Variants in DOT1L observed in about 807,000 individuals in gnomAD.
DOT1L encodes histone-lysine N-methyltransferase, H3 lysine-79 specific.
Under a neutral mutation model 153.3 loss-of-function variants are expected in DOT1L, and 33 were observed. The observed-to-expected ratio is 0.22, with a 90% CI of 0.16 to 0.29. The LOEUF (loss-of-function observed/expected upper bound fraction) is 0.29. Ranked by LOEUF, DOT1L falls within the 10% of genes least tolerant of loss-of-function variation. The probability of loss-of-function intolerance (pLI) is 1.00; values close to 1 mark genes in which losing one functional copy is unlikely to be tolerated. For missense variants in DOT1L, 1,847 were observed against 2,119.9 expected (o/e 0.87, Z 2.53); for synonymous variants, 1,135 against 965.1 (o/e 1.18, Z -3.26).
At position 2,210,438 on chromosome 19, in the gene DOT1L, G is replaced by A; in HGVS notation, c.1044G>A (p.Glu348=). 1 of 1,570,550 alleles carries A rather than the reference G, an allele frequency of 6.4e-7. No individual in the cohort carries two copies. Among genetic ancestry groups the A allele is most frequent in the South Asian group, 1.1e-5 (1 of 87,926 alleles). The change falls in exon 13 of 28, where the codon GAG becomes GAA. Residue 348 remains glutamate, a synonymous_variant. Transcript: ENST00000398665. The part of the protein sequence containing the change: ...QEAARRRQQR[E]SKSNAATPTK... The stretch of plus-strand genomic sequence containing the variant: ...CAGCCCGGCGCCGCCAGCAGCGCGA[G>A]AGCAAGAGCAACGCGGCCACGCCCA...
intron 9 of DOT1L, among the ~76,000 whole-genome samples, chr19:2,203,027 T>C (rs918040627): frequency 6.6e-6 from 1 of 152,156 alleles, no homozygotes; most frequent in Non-Finnish European, 1.5e-5. Context: ...GTTCAAGCGA[T>C]TCTTCTGCGT....
Position 2,204,457 on chromosome 19 carries a change from A to T in DOT1L, c.787+1678A>T, listed in dbSNP as rs2023419616. ...CCAGTCGCCCCCACACCCCAGCAGC[A>T]CTACGGGCCTCCCTGCACCCTGCAG... is the stretch of plus-strand genomic sequence containing the variant. On this transcript the variant is annotated intron_variant, in intron 9 of 27. Transcript: ENST00000398665. This position sits in a 1 kb window ranked among gnomAD's most constrained non-coding sequence, Gnocchi z 5.7. Among the ~76,000 whole-genome samples, 1 of 152,120 alleles carries T rather than the reference A, an allele frequency of 6.6e-6. No individual in the cohort carries two copies. Among genetic ancestry groups the T allele is most frequent in the Non-Finnish European group, 1.5e-5 (1 of 68,020 alleles).
Position 2,202,881 on chromosome 19 carries a change from G to A in DOT1L, c.787+102G>A, listed in dbSNP as rs181874400. ...TCCTGCAGAAGGCAGCTCAGACTTG[G>A]GGTCTTCAGTCCCCTTGGAGCCAGG... On this transcript the variant is annotated intron_variant, in intron 9 of 27. Transcript: ENST00000398665. The A allele has an allele frequency of 5.4e-5, 62 of 1,154,586 alleles. No individual in the cohort carries two copies. In the East Asian group the frequency reaches 1.0e-3, roughly 19 times the overall value. The allele number at this position is 1,154,586 out of a possible 1,614,324, so 71.5% of individuals were successfully genotyped here.
rs749161665 is a variant in DOT1L, at chr19:2,228,238, C to A, written c.4606+1111C>A. 4 of 1,362,584 alleles carry A rather than the reference C, an allele frequency of 2.9e-6. No homozygotes were observed. In the Admixed American group the frequency reaches 7.6e-5, roughly 26 times the overall value. The allele number at this position is 1,362,584 out of a possible 1,614,324, so 84.4% of individuals were successfully genotyped here. On this transcript the variant is annotated intron_variant, in intron 27 of 27. Coordinates refer to ENST00000398665, the MANE Select transcript of DOT1L (RefSeq NM_032482.3). ...CTGCCCCGGCTGGCCCTGGCCCAGG[C>A]CGCGCCCGGGATCCCACAGGCCAGC... is the stretch of plus-strand genomic sequence containing the variant.
Position 2,223,269 on chromosome 19 carries a change from G to T in DOT1L, c.3391-12G>T. ...TGTGGTATGTGCATCCATTGTGTCTGTCTGCCCTCAGGTCAGTAACATCAA... is the reference window on the plus strand; with the variant it reads ...TGTGGTATGTGCATCCATTGTGTCTTTCTGCCCTCAGGTCAGTAACATCAA... On this transcript the variant is annotated splice_polypyrimidine_tract_variant and intron_variant, in intron 24 of 27. Coordinates refer to ENST00000398665, the MANE Select transcript of DOT1L (RefSeq NM_032482.3). The T allele has an allele frequency of 6.2e-7, 1 of 1,613,104 alleles. No individual in the cohort carries two copies. Among genetic ancestry groups the T allele is most frequent in the East Asian group, 2.2e-5 (1 of 44,862 alleles).
chr19:2,187,649 A>G (rs915589385), intron 3 of DOT1L, among the ~76,000 whole-genome samples: 1 of 152,144 alleles, frequency 6.6e-6, no homozygotes, highest in Non-Finnish European at 1.5e-5. Flanking sequence ...GGGGCTGGGC[A>G]CCGTGGCTCA....
At position 2,165,861 on chromosome 19, in the gene DOT1L, C is replaced by T. The variant is rs2019897459; in HGVS notation, c.81+1596C>T. On this transcript the variant is annotated intron_variant, in intron 1 of 27. Coordinates refer to ENST00000398665, the MANE Select transcript of DOT1L (RefSeq NM_032482.3). The stretch of plus-strand genomic sequence containing the variant: ...TCGGCTCGCTGCAAGCTCCGCCTCC[C>T]GGGTTCACGCCATTCTCCTGCCTCA... Among the ~76,000 whole-genome samples, 3 of 151,886 alleles carry T rather than the reference C, an allele frequency of 2.0e-5. No individual in the cohort carries two copies. In the South Asian group the frequency reaches 6.2e-4, roughly 32 times the overall value.
Position 2,216,351 on chromosome 19 carries a change from C to G in DOT1L, c.1994C>G (p.Pro665Arg), listed in dbSNP as rs775176914. 1 of 1,608,866 alleles carries G rather than the reference C, an allele frequency of 6.2e-7. No homozygotes were observed. The highest frequency in any genetic ancestry group is 8.5e-7 in the Non-Finnish European group (1 of 1,177,028). ...CTGCAGCTCAAGTCCTGTGTGCCGC[C>G]TGACGACGCCCTGTCCCTGCACCTG... ...ELLQLKSCVP[P>R]DDALSLHLRG... The change falls in exon 20 of 28, where the codon CCT (proline) becomes CGT (arginine). Residue 665 changes from proline (P) to arginine (R), a missense_variant. Pro to Arg is a moderately radical substitution (Grantham distance 103, BLOSUM62 -2). This residue lies in a region of DOT1L where 156 missense variants were observed against 235.7 expected (regional missense o/e 0.66). Transcript: ENST00000398665.
chr19:2,211,434 T>G (rs553987325), intron 15 of DOT1L, among the ~76,000 whole-genome samples: 1 of 152,294 alleles, frequency 6.6e-6, no homozygotes, highest in South Asian at 2.1e-4. Flanking sequence ...TGGGTGACAC[T>G]TGGGACGTCT....
intron 1 of DOT1L, among the ~76,000 whole-genome samples, chr19:2,175,043 G>C: frequency 6.7e-6 from 1 of 150,082 alleles, no homozygotes. Flanking sequence ...CTGTTGCCCA[G>C]GCTGGAGTGC....
In DOT1L at chr19:2,223,435, C is replaced by A. The variant is rs764466725; in HGVS notation, c.3545C>A (p.Pro1182Gln). ...LSQTNGAHYSPLTSDEEPGSE... is the reference protein window; with the variant it reads ...LSQTNGAHYSQLTSDEEPGSE... Reference sequence around the variant, plus strand: ...CAGACCAATGGGGCACACTACTCCCCACTCACCTCAGACGAGGAGCCAGGC... The same window carrying A: ...CAGACCAATGGGGCACACTACTCCCAACTCACCTCAGACGAGGAGCCAGGC... The change falls in exon 25 of 28, where the codon CCA becomes CAA. Residue 1182 changes from proline to glutamine, a missense_variant. Transcript: ENST00000398665. The A allele has an allele frequency of 1.2e-6, 2 of 1,613,444 alleles. No individual in the cohort carries two copies. Among genetic ancestry groups the A allele is most frequent in the Non-Finnish European group, 1.7e-6 (2 of 1,179,976 alleles).
At chr19:2,169,151 C>T (rs528471616) in intron 1 of DOT1L, among the ~76,000 whole-genome samples, 27 of 152,090 alleles carry the variant, frequency 1.8e-4, no homozygotes, top group African/African-American at 6.0e-4. Context: ...GCCTGGAGCC[C>T]GGCTGTGGGC....
chr19:2,227,151 GC>G (rs775080786), intron 27 of DOT1L, 24 bp downstream of exon 27: 2 of 1,553,292 alleles, frequency 1.3e-6, no homozygotes, highest in Admixed American at 1.9e-5. Flanking sequence ...CCGTCCGTCC[GC>G]CCCCCGCCCC....
intron 1 of DOT1L, among the ~76,000 whole-genome samples, chr19:2,170,708 C>T (rs527818497): frequency 5.9e-5 from 9 of 152,288 alleles, no homozygotes; most frequent in East Asian, 5.8e-4. Context: ...ACCCTTACCT[C>T]GGCTTGATTA....
In DOT1L at chr19:2,193,999, A is replaced by G. The variant is rs986291530; in HGVS notation, c.588+216A>G. On this transcript the variant is annotated intron_variant, in intron 6 of 27. Coordinates refer to ENST00000398665, the MANE Select transcript of DOT1L (RefSeq NM_032482.3). This position sits in a 1 kb window ranked among gnomAD's most constrained non-coding sequence, Gnocchi z 5.9. ...CAGGCCGGCCCTCCAGGCCTGTCCAAGCGCTGCAGGGGTGTCTCGGAGCCT... is the reference window on the plus strand; with the variant it reads ...CAGGCCGGCCCTCCAGGCCTGTCCAGGCGCTGCAGGGGTGTCTCGGAGCCT... Among the ~76,000 whole-genome samples the G allele has an allele frequency of 6.6e-6, 1 of 151,990 alleles. No homozygotes were observed. The highest frequency in any genetic ancestry group is 2.4e-5 in the African/African-American group (1 of 41,468).
chr19:2,226,662 G>A lies in DOT1L; in HGVS notation c.4141G>A (p.Gly1381Ser), dbSNP rs1398842347. ...RQLDGLAGLK[G>S]EGSRGKEAGE... ...GCTGGACGGCCTGGCTGGGCTGAAG[G>A]GCGAGGGCAGCCGCGGCAAGGAGGC... Residue 1381 changes from glycine to serine, a missense_variant, in exon 27 of 28, where the codon GGC (glycine) becomes AGC (serine). Physicochemically the swap from Gly to Ser is moderately conservative, Grantham distance 56. Coordinates refer to ENST00000398665, the MANE Select transcript of DOT1L (RefSeq NM_032482.3). 1.9e-6 allele frequency: 3 copies of A among 1,580,082 alleles called. No individual in the cohort carries two copies. Among genetic ancestry groups the A allele is most frequent in the South Asian group, 2.3e-5 (2 of 88,520 alleles).
chr19:2,223,313 A>G lies in DOT1L; in HGVS notation c.3423A>G (p.Thr1141=). The G allele has an allele frequency of 1.2e-6, 2 of 1,613,630 alleles. No homozygotes were observed. Among genetic ancestry groups the G allele is most frequent in the Non-Finnish European group, 1.7e-6 (2 of 1,179,948 alleles). The change falls in exon 25 of 28, where the codon ACA becomes ACG. Residue 1141 remains threonine (T), a synonymous_variant. Coordinates refer to ENST00000398665, the MANE Select transcript of DOT1L (RefSeq NM_032482.3). ...ACATCAACCAGCCCCTGGAGATTAC[A>G]GCCATCTCGTCCCCGGAGACCTCCC... is the stretch of plus-strand genomic sequence containing the variant. ...VSNINQPLEI[T]AISSPETSLK... is the part of the protein sequence containing the mutation.
rs372161368 is a variant in DOT1L, at chr19:2,189,735, C to T, written c.204C>T (p.Phe68=). ...YVLIDYDTKS[F]ESMQRLCDKY... ...GGCCTTCCCTTGCCTTTTTCAGCTT[C>T]GAGAGCATGCAGAGGCTCTGCGACA... The change falls in exon 4 of 28, where the codon TTC becomes TTT. Residue 68 remains phenylalanine, a synonymous_variant. Transcript: ENST00000398665. 71 of 1,610,858 alleles carry T rather than the reference C, an allele frequency of 4.4e-5. No homozygotes were observed. Among genetic ancestry groups the T allele is most frequent in the South Asian group, 3.1e-4 (28 of 91,090 alleles).
rs1215780208 is a variant in DOT1L at position 2,178,377 on chromosome 19, A to AC, written c.82-2336_82-2335insC. ...AACCTTGTCTCTACCAGAAAAAAAAAAAAAACAAAAAATCTCCAAAACACA... is the reference window on the plus strand; with the variant it reads ...AACCTTGTCTCTACCAGAAAAAAAAACAAAAACAAAAAATCTCCAAAACACA... On this transcript the variant is annotated intron_variant, in intron 1 of 27. Coordinates refer to ENST00000398665, the MANE Select transcript of DOT1L (RefSeq NM_032482.3). Among the ~76,000 whole-genome samples, 488 of 150,644 alleles carry AC rather than the reference A, an allele frequency of 3.2e-3. 1 individual carries two copies. The highest frequency in any genetic ancestry group is 0.011 in the African/African-American group (471 of 41,116).
Sources: gnomAD v4.1 joint callset for allele counts (sites outside exome capture counted in the v4.1 genomes callset) on GRCh38, gnomAD v4.1.1 for gene constraint, gnomAD v4.1.1 regional missense constraint, Gnocchi (gnomAD v3.1) non-coding constraint, MANE v1.5 for transcripts, NCBI Gene and HGNC (gene_info 2026-07-23, HGNC 2026-07-21) for gene names.